The following IL1R1 variants were observed in gnomAD, a reference collection of about 807,000 sequenced individuals.
IL1R1 encodes interleukin-1 receptor type 1.
Under a neutral mutation model 50.2 loss-of-function variants are expected in IL1R1, and 22 were observed. That is an observed-to-expected ratio of 0.44 (90% CI 0.31 to 0.63). The LOEUF (loss-of-function observed/expected upper bound fraction) is 0.63. Among genes scored for constraint, IL1R1 ranks in the 20% least tolerant of loss-of-function variants. The probability of loss-of-function intolerance (pLI) is 0.07; values close to 1 mark genes in which losing one functional copy is unlikely to be tolerated. For missense variants in IL1R1, 509 were observed against 676.2 expected (o/e 0.75, Z 2.74); for synonymous variants, 251 against 236.7 (o/e 1.06, Z -0.55).
intron 1 of IL1R1, among the ~76,000 whole-genome samples, chr2:102,126,995 G>T (rs1485478790): frequency 6.6e-6 from 1 of 152,206 alleles, no homozygotes; most frequent in Non-Finnish European, 1.5e-5. Context: ...AGCCTAGAAG[G>T]CTGTTCTAAG....
intron 1 of IL1R1, among the ~76,000 whole-genome samples, chr2:102,086,461 T>C (rs1645994266): frequency 6.6e-6 from 1 of 152,222 alleles, no homozygotes; most frequent in Admixed American, 6.5e-5. Context: ...TTGTTGAATA[T>C]GTAAATTAAT....
chr2:102,080,513 A>G (rs992511144), intron 1 of IL1R1, among the ~76,000 whole-genome samples: 10 of 152,228 alleles, frequency 6.6e-5, no homozygotes, highest in Admixed American at 1.3e-4. Context: ...GCAAAGCAAA[A>G]CATACTAAGA....
At chr2:102,172,585 G>A (rs766231852) in intron 8 of IL1R1, 102 bp from the exon 9 acceptor site, 168 of 1,114,816 alleles carry the variant, frequency 1.5e-4, no homozygotes, top group Non-Finnish European at 2.0e-4. Context: ...TTATTTCAGT[G>A]GCAATTTTGT....
At chr2:102,106,588 C>G (rs72817895) in intron 1 of IL1R1, among the ~76,000 whole-genome samples, 12,827 of 151,970 alleles carry the variant, frequency 0.084, 636 homozygotes, top group East Asian at 0.18. Context: ...AGCTCATTGT[C>G]AAGAATAAAA....
chr2:102,085,408 C>G (rs1679390798), intron 1 of IL1R1, among the ~76,000 whole-genome samples: 1 of 152,136 alleles, frequency 6.6e-6, no homozygotes, highest in Non-Finnish European at 1.5e-5. Context: ...AGCAGTGGCT[C>G]AAGGTTCAAT....
chr2:102,124,781 T>G (rs1681602703), intron 1 of IL1R1, among the ~76,000 whole-genome samples: 1 of 151,134 alleles, frequency 6.6e-6, no homozygotes, highest in African/African-American at 2.4e-5. Context: ...CTGGGTGTGG[T>G]GGCTGGCACT....
chr2:102,172,989 A>C, intron 9 of IL1R1, 151 bp downstream of exon 9: 2 of 581,362 alleles, frequency 3.4e-6, no homozygotes, highest in South Asian at 2.4e-5. Context: ...CTTCTGCTGA[A>C]CTCTCTCTTC....
At chr2:102,119,103 A>C (rs1398306098) in intron 1 of IL1R1, among the ~76,000 whole-genome samples, 1 of 152,066 alleles carries the variant, frequency 6.6e-6, no homozygotes, top group African/African-American at 2.4e-5. Flanking sequence ...CAAAATAAGC[A>C]TATCTGAGCT....
intron 1 of IL1R1, among the ~76,000 whole-genome samples, chr2:102,146,858 A>T (rs1683175006): frequency 6.6e-6 from 1 of 152,124 alleles, no homozygotes; most frequent in Admixed American, 6.6e-5. Flanking sequence ...CTCCAATGCT[A>T]AATGCATCCT....
intron 1 of IL1R1, among the ~76,000 whole-genome samples, chr2:102,097,886 G>A (rs1290831082): frequency 6.6e-6 from 1 of 151,678 alleles, no homozygotes; most frequent in Non-Finnish European, 1.5e-5. Context: ...AATTTTTAGA[G>A]GATAAAAATT....
chr2:102,130,408 C>A (rs1577915448), intron 1 of IL1R1, among the ~76,000 whole-genome samples: 1 of 152,182 alleles, frequency 6.6e-6, no homozygotes, highest in East Asian at 1.9e-4. Context: ...GTTTGGCAAC[C>A]CTGGAAATAG....
At chr2:102,104,788 G>T (rs1244447955) in exon 1 of IL1R1, 8 of 152,184 alleles carry the variant, frequency 5.3e-5, no homozygotes, top group Admixed American at 1.3e-4. Context: ...TTTGGGAAAA[G>T]AAACCTTGTC....
Position 102,179,786 on chromosome 2 carries a change from A to T in IL1R1, c.*3027A>T, listed in dbSNP as rs965860920. On this transcript the variant is annotated 3_prime_UTR_variant, in exon 12 of 12. Coordinates refer to ENST00000410023, the MANE Select transcript of IL1R1 (RefSeq NM_000877.4). ...GCAGCAGAAGCCAAATTTTTTGTAT[A>T]TTAAAGCACCAAATTCATGTACAGC... 1 of 152,764 alleles carries T rather than the reference A, an allele frequency of 6.5e-6. No homozygotes were observed. Among genetic ancestry groups the T allele is most frequent in the Non-Finnish European group, 1.5e-5 (1 of 68,042 alleles). 9.5% of individuals were successfully genotyped at this position (152,764 alleles called of 1,614,324 possible).
At chr2:102,153,174 C>T (rs781327866) in intron 1 of IL1R1, among the ~76,000 whole-genome samples, 34 of 152,124 alleles carry the variant, frequency 2.2e-4, no homozygotes, top group Admixed American at 1.5e-3. Context: ...AGGATACCTG[C>T]TTCTTAAACA....
chr2:102,173,701 A>G (rs1366185554), intron 9 of IL1R1, among the ~76,000 whole-genome samples: 4 of 152,224 alleles, frequency 2.6e-5, no homozygotes, highest in African/African-American at 9.6e-5. Context: ...AAAAATTTCA[A>G]TCAAAATCTC....
chr2:102,157,514 ACTCTTTATCC>A (rs1684303833), intron 2 of IL1R1, among the ~76,000 whole-genome samples, 195 bp from the exon 3 acceptor site: 2 of 152,010 alleles, frequency 1.3e-5, no homozygotes, highest in South Asian at 4.2e-4. Flanking sequence ...TTTTGTGAAA[ACTCTTTATCC>A]CTTTTTGTTC....
At position 102,091,751 on chromosome 2, in the gene IL1R1, T is replaced by C. The variant is rs149584132; in HGVS notation, c.-84+21218T>C. On this transcript the variant is annotated intron_variant, in intron 1 of 11. Coordinates refer to the IL1R1 transcript ENST00000409929. ...TATCTAACTGTATGTTTTTACCCAT[T>C]GACCAAGCTCTCTTTATCCCCGTCT... Among the ~76,000 whole-genome samples, 1,825 of 152,366 alleles carry C rather than the reference T, an allele frequency of 0.012. 55 individuals carry two copies. The South Asian group carries it at 0.13, about 11-fold the overall frequency.
At chr2:102,145,230 G>A (rs1683013446) in intron 1 of IL1R1, among the ~76,000 whole-genome samples, 2 of 152,214 alleles carry the variant, frequency 1.3e-5, no homozygotes, top group South Asian at 2.1e-4. Context: ...ATCTGTTGCC[G>A]TGAATGGGTG....
At chr2:102,160,992 G>A (rs949589795) in intron 3 of IL1R1, among the ~76,000 whole-genome samples, 2 of 151,744 alleles carry the variant, frequency 1.3e-5, no homozygotes, top group African/African-American at 4.9e-5. Flanking sequence ...TGCTTACTTT[G>A]GAATTACTTT....
Sources: allele counts gnomAD v4.1 joint callset (sites outside exome capture counted in the v4.1 genomes callset), GRCh38; gene constraint gnomAD v4.1.1; transcripts MANE v1.5; gene names NCBI Gene and HGNC (gene_info 2026-07-23, HGNC 2026-07-21).